HAPLN1: variants seen among roughly 807,000 people sequenced by gnomAD.
The protein encoded by HAPLN1 is hyaluronan and proteoglycan link protein 1, also known as Cartilage link protein.
HAPLN1 carries 13 observed loss-of-function variants against 36.5 expected under a neutral mutation model. That is an observed-to-expected ratio of 0.36 (90% confidence interval 0.23 to 0.57). The LOEUF is 0.57. Among genes scored for constraint, HAPLN1 ranks in the 20% least tolerant of loss-of-function variants. The pLI, the probability that HAPLN1 is intolerant of heterozygous loss-of-function variation, is 0.83. For synonymous variants in HAPLN1, 202 were observed against 169.8 expected (o/e 1.19, Z -1.48); for missense variants, 407 against 439.7 (o/e 0.93, Z 0.66).
At chr5:83,647,503 T>C (rs1749908832) in intron 3 of HAPLN1, among the ~76,000 whole-genome samples, 1 of 152,196 alleles carries the variant, frequency 6.6e-6, no homozygotes, top group East Asian at 1.9e-4. Flanking sequence ...TGGAACTTCA[T>C]TATTGTTAGT....
intron 1 of HAPLN1, among the ~76,000 whole-genome samples, chr5:83,677,160 A>G (rs1457710516): frequency 1.3e-5 from 2 of 152,196 alleles, no homozygotes; most frequent in African/African-American, 4.8e-5. Context: ...AGCTAACACT[A>G]CATATTTCCT....
rs142300153 is a variant in HAPLN1 at position 83,712,989 on chromosome 5, A to G, written c.-27+7800T>C. 7.1e-3 allele frequency among the ~76,000 whole-genome samples: 1,076 copies of G among 152,222 alleles called. 18 individuals carry two copies. The highest frequency in any genetic ancestry group is 0.025 in the African/African-American group (1,038 of 41,548). ...GCCTTCAGAATCAAGGAATTAGAAA[A>G]CGAATTATAAATAGACTTGAATTAG... On this transcript the variant is annotated intron_variant, in intron 1 of 4. Transcript: ENST00000274341.
chr5:83,648,395 C>CTG (rs1749939497), intron 3 of HAPLN1, among the ~76,000 whole-genome samples: 1 of 60,658 alleles, frequency 1.6e-5, no homozygotes, highest in African/African-American at 5.9e-5. Flanking sequence ...CTATATTTGA[C>CTG]TATATATATA....
chr5:83,645,590 T>C (rs1749850396), intron 3 of HAPLN1, among the ~76,000 whole-genome samples: 1 of 150,876 alleles, frequency 6.6e-6, no homozygotes, highest in African/African-American at 2.4e-5. Context: ...TGGATACCCC[T>C]GCTAAAGTGG....
At chr5:83,647,102 A>G (rs1231803451) in intron 3 of HAPLN1, among the ~76,000 whole-genome samples, 1 of 152,218 alleles carries the variant, frequency 6.6e-6, no homozygotes, top group Non-Finnish European at 1.5e-5. Context: ...TCTCATAAAC[A>G]TCGGGACAAG....
chr5:83,652,764 C>T lies in HAPLN1; in HGVS notation c.161G>A (p.Gly54Asp). ...AEQAKVFSHR[G>D]GNVTLPCKFY... ...TTTACATGGCAGTGTAACATTGCCA[C>T]CTCTGTGTGAAAACACCTTGGCTTG... Residue 54 changes from glycine (G) to aspartate (D), a missense_variant, in exon 3 of 5, where the codon GGT becomes GAT. Transcript: ENST00000274341. 6.2e-7 allele frequency: 1 copy of T among 1,613,684 alleles called. No individual in the cohort carries two copies. Among genetic ancestry groups the T allele is most frequent in the Non-Finnish European group, 8.5e-7 (1 of 1,179,676 alleles).
intron 2 of HAPLN1, among the ~76,000 whole-genome samples, chr5:83,653,802 T>C: frequency 6.6e-6 from 1 of 152,254 alleles, no homozygotes; most frequent in East Asian, 1.9e-4. Flanking sequence ...TTTTCAGATT[T>C]TGGCTTTCTC....
chr5:83,706,543 A>AAAACTC (rs1165569886), intron 1 of HAPLN1, among the ~76,000 whole-genome samples: 1 of 152,218 alleles, frequency 6.6e-6, no homozygotes, highest in Non-Finnish European at 1.5e-5. Context: ...CTTCATGTTA[A>AAAACTC]AAACTCTCAA....
chr5:83,696,373 C>T (rs926173425), intron 1 of HAPLN1, among the ~76,000 whole-genome samples: 1 of 151,954 alleles, frequency 6.6e-6, no homozygotes, highest in Admixed American at 6.6e-5. Flanking sequence ...AAATTTTAGC[C>T]CACATTTGGT....
At chr5:83,667,739 T>A (rs894576284) in intron 2 of HAPLN1, among the ~76,000 whole-genome samples, 1 of 152,200 alleles carries the variant, frequency 6.6e-6, no homozygotes, top group Non-Finnish European at 1.5e-5. Context: ...ATTCACCCAC[T>A]CCTTGTGATA....
rs1749599672 is a variant in HAPLN1, at chr5:83,638,912, G to A, written c.*2584C>T. On this transcript the variant is annotated 3_prime_UTR_variant, in exon 5 of 5. Transcript: ENST00000274341. Reference sequence around the variant, plus strand: ...TCAGTGAAATGTGCAGATATACTTTGTTCCTTATATGGTCACCAGTGTTAA... The same window carrying A: ...TCAGTGAAATGTGCAGATATACTTTATTCCTTATATGGTCACCAGTGTTAA... 6.6e-6 allele frequency: 1 copy of A among 151,912 alleles called. No individual in the cohort carries two copies. The highest frequency in any genetic ancestry group is 2.4e-5 in the African/African-American group (1 of 41,404). The allele number at this position is 151,912 out of a possible 1,614,324, so 9.4% of individuals were successfully genotyped here.
chr5:83,692,509 C>T (rs1164065781), intron 1 of HAPLN1, among the ~76,000 whole-genome samples: 2 of 151,820 alleles, frequency 1.3e-5, no homozygotes, highest in African/African-American at 4.8e-5. Flanking sequence ...AAACTGTCCA[C>T]CTAGAATTCT....
At chr5:83,647,680 A>G (rs1030992979) in intron 3 of HAPLN1, among the ~76,000 whole-genome samples, 1 of 152,216 alleles carries the variant, frequency 6.6e-6, no homozygotes, top group Non-Finnish European at 1.5e-5. Flanking sequence ...TTAAACTTTT[A>G]TGGATGGGAA....
chr5:83,645,475 C>CTTTTTTTTTTTTTTTTTTTTTTTTTT lies in HAPLN1; in HGVS notation c.473-811_473-810insAAAAAAAAAAAAAAAAAAAAAAAAAA. Among the ~76,000 whole-genome samples, 7 of 74,322 alleles carry CTTTTTTTTTTTTTTTTTTTTTTTTTT rather than the reference C, an allele frequency of 9.4e-5. 1 individual carries two copies. Among genetic ancestry groups the CTTTTTTTTTTTTTTTTTTTTTTTTTT allele is most frequent in the Non-Finnish European group, 1.5e-4 (6 of 40,762 alleles). 48.8% of individuals were successfully genotyped at this position (74,322 alleles called of 152,430 possible). ...GTGATTTTCTTTTTTCTTTTTCTTT[C>CTTTTTTTTTTTTTTTTTTTTTTTTTT]TTTTTTTTTTTTTTTTAGCTCATCA... On this transcript the variant is annotated intron_variant, in intron 3 of 4. Coordinates refer to ENST00000274341, the MANE Select transcript of HAPLN1 (RefSeq NM_001884.4).
At chr5:83,652,884 A>G (rs1178811310) in intron 2 of HAPLN1, 60 bp from the exon 3 acceptor site, 2 of 1,380,422 alleles carry the variant, frequency 1.4e-6, no homozygotes, top group Non-Finnish European at 1.9e-6. Context: ...AGACATTTTC[A>G]TAAAATGAAA....
chr5:83,675,922 A>G (rs1750849555), intron 1 of HAPLN1, among the ~76,000 whole-genome samples: 1 of 152,202 alleles, frequency 6.6e-6, no homozygotes, highest in Admixed American at 6.5e-5. Context: ...CTTCAAGCAA[A>G]TTTAATTTGT....
intron 1 of HAPLN1, among the ~76,000 whole-genome samples, chr5:83,718,384 C>T (rs572811888): frequency 6.6e-6 from 1 of 152,280 alleles, no homozygotes; most frequent in African/African-American, 2.4e-5. Context: ...CCTTCTTTGA[C>T]TTATCCACTA....
chr5:83,639,331 C>T lies in HAPLN1; in HGVS notation c.*2165G>A, dbSNP rs1449960088. ...ATGTGTAAGTGGTATAGATTTTAAT[C>T]AGCTAACAGTCACTCCAGAGATTTT... On this transcript the variant is annotated 3_prime_UTR_variant, in exon 5 of 5. Coordinates refer to ENST00000274341, the MANE Select transcript of HAPLN1 (RefSeq NM_001884.4). 6.6e-6 allele frequency: 1 copy of T among 152,000 alleles called. No individual in the cohort carries two copies. Among genetic ancestry groups the T allele is most frequent in the Non-Finnish European group, 1.5e-5 (1 of 67,900 alleles). 9.4% of individuals were successfully genotyped at this position (152,000 alleles called of 1,614,324 possible).
chr5:83,708,741 G>A (rs1029958023), intron 1 of HAPLN1, among the ~76,000 whole-genome samples: 1 of 152,166 alleles, frequency 6.6e-6, no homozygotes, highest in Non-Finnish European at 1.5e-5. Context: ...ATTAGAATAA[G>A]TATTTTACTT....
Sources: allele counts gnomAD v4.1 joint callset (sites outside exome capture counted in the v4.1 genomes callset), GRCh38; gene constraint gnomAD v4.1.1; transcripts MANE v1.5; gene names NCBI Gene and HGNC (gene_info 2026-07-23, HGNC 2026-07-21).